Variants in FAT2 observed in about 807,000 individuals in gnomAD.
FAT2 encodes the protein FAT atypical cadherin 2.
In FAT2, 150 loss-of-function variants were observed where a neutral mutation model predicts 295.3. That is an observed-to-expected ratio of 0.51 (90% confidence interval 0.44 to 0.58). FAT2 has a LOEUF of 0.58. Among genes scored for constraint, FAT2 ranks in the 20% least tolerant of loss-of-function variants. FAT2 has a pLI of 0.00. For synonymous variants in FAT2, 2,026 were observed against 2,150.3 expected, an observed-to-expected ratio of 0.94 and a Z score of 1.60; for missense variants, 4,868 against 5,442.7, an observed-to-expected ratio of 0.89 and a Z score of 3.32.
chr5:151,545,456 G>A lies in FAT2; in HGVS notation c.5671C>T (p.Leu1891Phe), dbSNP rs764071826. Residue 1891 changes from leucine (L) to phenylalanine (F), a missense_variant, in exon 10 of 24, where the codon CTT becomes TTT. Leu to Phe is a conservative substitution (Grantham distance 22). Transcript: ENST00000261800. ...TCATCGCTGGCCCGCACCATGAGAA[G>A]CTCCATGCCTGGATGGATAGGCCCG... ...IVGPIHPGME[L>F]LMVRASDEDS... 6.2e-7 allele frequency: 1 copy of A among 1,614,180 alleles called. No individual in the cohort carries two copies. The highest frequency in any genetic ancestry group is 8.5e-7 in the Non-Finnish European group (1 of 1,180,028).
At chr5:151,593,583 T>A (rs1385527049), upstream of FAT2, among the ~76,000 whole-genome samples, 1 of 152,152 alleles carries the variant, frequency 6.6e-6, no homozygotes, top group Non-Finnish European at 1.5e-5. Context: ...AAACTTCTCA[T>A]TCCCTGATAT....
intron 1 of FAT2, among the ~76,000 whole-genome samples, chr5:151,570,432 G>A (rs1758477101): frequency 6.6e-6 from 1 of 152,244 alleles, no homozygotes; most frequent in African/African-American, 2.4e-5. Context: ...GTCACACAGT[G>A]TGTGGCCGGG....
intron 14 of FAT2, 40 bp from the exon 15 acceptor site, chr5:151,529,432 G>A: frequency 1.3e-6 from 2 of 1,573,248 alleles, no homozygotes; most frequent in Non-Finnish European, 1.7e-6. Context: ...GAGGCAGTTG[G>A]GCCCTCAAAG....
rs2127612426 is a variant in FAT2, at chr5:151,545,560, G to A, written c.5567C>T (p.Ala1856Val). 1 of 1,614,126 alleles carries A rather than the reference G, an allele frequency of 6.2e-7. No homozygotes were observed. Among genetic ancestry groups the A allele is most frequent in the Non-Finnish European group, 8.5e-7 (1 of 1,180,002 alleles). Residue 1856 changes from alanine to valine, a missense_variant, in exon 10 of 24, where the codon GCC becomes GTC. Ala to Val is a moderately conservative substitution (Grantham distance 64). Around this residue, in one of 5 missense-constraint regions of FAT2, gnomAD observed 3,297 missense variants for 3,669.4 expected, o/e 0.90. Transcript: ENST00000261800. ...GSPVLFAPRP[A>V]QVIIHVRDVN... The stretch of plus-strand genomic sequence containing the variant: ...ATCTCTGACATGAATGATGACTTGG[G>A]CAGGTCTGGGTGCAAATAATACAGG...
In FAT2 at chr5:151,505,693, A is replaced by G; in HGVS notation, c.12922T>C (p.Ser4308Pro). 1 of 1,614,018 alleles carries G rather than the reference A, an allele frequency of 6.2e-7. No homozygotes were observed. The highest frequency in any genetic ancestry group is 8.5e-7 in the Non-Finnish European group (1 of 1,179,944). The stretch of plus-strand genomic sequence containing the variant: ...CCCTCCACCTCACAGACAGCATAAG[A>G]GGGCCCAGCTCGGCTGAGGCGCATA... The part of the protein sequence containing the change: ...VGMRLSRAGP[S>P]YAVCEVEGAP... Residue 4308 changes from serine (S) to proline (P), a missense_variant, in exon 24 of 24, where the codon TCT becomes CCT. Transcript: ENST00000261800.
rs538936989 is a variant in FAT2 at position 151,577,288 on chromosome 5, G to A, written c.-20-8337C>T. 2.8e-4 allele frequency among the ~76,000 whole-genome samples: 42 copies of A among 152,292 alleles called. 2 individuals are homozygous for A. The South Asian group carries it at 3.1e-3, about 11-fold the overall frequency. On this transcript the variant is annotated intron_variant, in intron 1 of 23. Coordinates refer to ENST00000261800, the MANE Select transcript of FAT2 (RefSeq NM_001447.3). ...AAGGGCTTCCAGTGGCCTGGGCTTT[G>A]GGGAAGAAAAGGAACAAAGTTGGGG...
At position 151,531,660 on chromosome 5, in the gene FAT2, C is replaced by T. The variant is rs377076215; in HGVS notation, c.9738G>A (p.Pro3246=). 40 of 1,613,758 alleles carry T rather than the reference C, an allele frequency of 2.5e-5. No individual in the cohort carries two copies. Among genetic ancestry groups the T allele is most frequent in the South Asian group, 2.2e-4 (20 of 91,024 alleles). ...EVLQLATLTR[P]GAEKTGYRVV... ...CGCGGTAGCCGGTCTTCTCTGCGCC[C>T]GGGCGAGTGAGGGTGGCCAGCTGCA... The change falls in exon 14 of 24, where the codon CCG becomes CCA. Residue 3246 remains proline, a synonymous_variant. Transcript: ENST00000261800. This position sits in a 1 kb window ranked among gnomAD's most constrained non-coding sequence, Gnocchi z 5.7.
In FAT2 at chr5:151,544,648, AG is replaced by A; in HGVS notation, c.6478del (p.Val2161SerfsTer3). On this transcript the variant is annotated frameshift_variant, in exon 10 of 24. Transcript: ENST00000261800. LOFTEE classifies it high-confidence loss of function. ...TPSLQSEEEV[L>X]VTVRNKSNPL... is the part of the protein sequence containing the mutation. The stretch of plus-strand genomic sequence containing the variant: ...GTTGGATTTATTTCTCACAGTGACA[AG>A]TACCTCTTCCTCACTCTGGAGGGAT... The A allele has an allele frequency of 6.2e-7, 1 of 1,614,186 alleles. No homozygotes were observed.
At position 151,525,892 on chromosome 5, in the gene FAT2, G is replaced by A. The variant is rs768412789; in HGVS notation, c.10382C>T (p.Pro3461Leu). ...SDPDSPENGPPYSFRITKGNN... is the reference protein window; with the variant it reads ...SDPDSPENGPLYSFRITKGNN... ...CCCCTTGGTGATTCGAAACGAGTAG[G>A]GGGGGCCATTCTCTGGAGAATCTGG... is the stretch of plus-strand genomic sequence containing the variant. The change falls in exon 18 of 24, where the codon CCC (proline) becomes CTC (leucine). Residue 3461 changes from proline (P) to leucine (L), a missense_variant. This residue lies in a region of FAT2 where 1,046 missense variants were observed against 1,210.1 expected (regional missense o/e 0.86). Transcript: ENST00000261800. The A allele has an allele frequency of 1.9e-6, 3 of 1,614,188 alleles. No homozygotes were observed. Among genetic ancestry groups the A allele is most frequent in the African/African-American group, 1.3e-5 (1 of 75,052 alleles).
At position 151,543,665 on chromosome 5, in the gene FAT2, C is replaced by G. The variant is rs1756367814; in HGVS notation, c.7462G>C (p.Ala2488Pro). Residue 2488 changes from alanine to proline, a missense_variant, in exon 10 of 24, where the codon GCA becomes CCA. Physicochemically the swap from Ala to Pro is conservative, Grantham distance 27. Transcript: ENST00000261800. ...ACCATTGCATTCTCTGCTAATTCTG[C>G]CTCATAAAGGTGCTGCTGGAACTCT... The part of the protein sequence containing the change: ...SPEFQQHLYE[A>P]ELAENAMVGT... The G allele has an allele frequency of 6.2e-7, 1 of 1,614,038 alleles. No homozygotes were observed. Among genetic ancestry groups the G allele is most frequent in the Admixed American group, 1.7e-5 (1 of 60,004 alleles).
intron 1 of FAT2, among the ~76,000 whole-genome samples, chr5:151,586,522 A>G (rs1759178826): frequency 6.6e-6 from 1 of 152,176 alleles, no homozygotes; most frequent in Admixed American, 6.5e-5. Flanking sequence ...TAGTGGTGGA[A>G]TATCAGGCAC....
At chr5:151,513,384 A>G (rs1409522880) in intron 20 of FAT2, among the ~76,000 whole-genome samples, 1 of 152,264 alleles carries the variant, frequency 6.6e-6, no homozygotes, top group South Asian at 2.1e-4. Context: ...AAAATATGGT[A>G]CAGATACACC....
intron 18 of FAT2, among the ~76,000 whole-genome samples, chr5:151,524,715 C>G (rs1223422314): frequency 6.6e-6 from 1 of 152,184 alleles, no homozygotes; most frequent in Non-Finnish European, 1.5e-5. Flanking sequence ...TCTCCTCAGC[C>G]TCATTCCCAC....
chr5:151,507,096 T>G, intron 23 of FAT2, 58 bp downstream of exon 23: 5 of 1,464,800 alleles, frequency 3.4e-6, no homozygotes, highest in East Asian at 2.3e-5. Flanking sequence ...ACGGAGTGTT[T>G]AGAACCACCA....
At chr5:151,526,333 G>C (rs910254520) in intron 17 of FAT2, among the ~76,000 whole-genome samples, 1 of 152,190 alleles carries the variant, frequency 6.6e-6, no homozygotes, top group Admixed American at 6.5e-5. Context: ...AGGGAATGTT[G>C]CGATTTGCAA....
intron 13 of FAT2, among the ~76,000 whole-genome samples, chr5:151,533,001 T>C (rs1362925947): frequency 6.6e-6 from 1 of 152,192 alleles, no homozygotes; most frequent in Non-Finnish European, 1.5e-5. Context: ...GAGATGCTGG[T>C]CAAACCACAC....
At chr5:151,536,000 A>T (rs1755237088) in intron 12 of FAT2, among the ~76,000 whole-genome samples, 1 of 152,206 alleles carries the variant, frequency 6.6e-6, no homozygotes, top group Admixed American at 6.5e-5. Context: ...GCTTTGAGAT[A>T]CTGCTGAGTG....
chr5:151,552,425 T>C (rs1757304492), intron 6 of FAT2, among the ~76,000 whole-genome samples: 1 of 152,216 alleles, frequency 6.6e-6, no homozygotes, highest in African/African-American at 2.4e-5. Flanking sequence ...GCATATATCC[T>C]ATCCTACTCT....
chr5:151,537,785 A>G lies in FAT2; in HGVS notation c.9193+8T>C, dbSNP rs757585317. The G allele has an allele frequency of 6.2e-7, 1 of 1,607,072 alleles. No individual in the cohort carries two copies. The highest frequency in any genetic ancestry group is 8.5e-7 in the Non-Finnish European group (1 of 1,175,676). ...TCTTGTTTTGATCCTGCAGCTCAGG[A>G]AACCCACCTGTATGAGGATCCAGCT... On this transcript the variant is annotated splice_region_variant and intron_variant, in intron 12 of 23. Coordinates refer to ENST00000261800, the MANE Select transcript of FAT2 (RefSeq NM_001447.3).
Sources: allele counts gnomAD v4.1 joint callset (sites outside exome capture counted in the v4.1 genomes callset), GRCh38; gene constraint gnomAD v4.1.1; regional missense constraint gnomAD v4.1.1; non-coding constraint Gnocchi (gnomAD v3.1); transcripts MANE v1.5; gene names NCBI Gene and HGNC (gene_info 2026-07-23, HGNC 2026-07-21).